Variants in BRI3BP observed in about 807,000 individuals in gnomAD.
The protein encoded by BRI3BP is BRI3 binding protein.
A neutral mutation model predicts 15.8 loss-of-function variants in BRI3BP; 7 were observed. The observed-to-expected ratio is 0.44, with a 90% CI of 0.25 to 0.83. The LOEUF (loss-of-function observed/expected upper bound fraction) is 0.83, where lower values mean the gene tolerates loss of function less well. Ranked by LOEUF, BRI3BP falls within the 40% of genes least tolerant of loss-of-function variation. BRI3BP has a pLI of 0.20. For synonymous variants in BRI3BP, 192 were observed against 163.5 expected (o/e 1.17, Z -1.33); for missense variants, 320 against 339.3 (o/e 0.94, Z 0.45).
chr12:125,016,249 G>T (rs566401825), intron 2 of BRI3BP, among the ~76,000 whole-genome samples: 1 of 152,036 alleles, frequency 6.6e-6, no homozygotes, highest in East Asian at 1.9e-4. Flanking sequence ...TGTCTTATGC[G>T]TAGAAGTTTG....
At chr12:125,021,715 CAAGAG>C (rs1327440305) in intron 2 of BRI3BP, among the ~76,000 whole-genome samples, 3 of 152,162 alleles carry the variant, frequency 2.0e-5, no homozygotes, top group African/African-American at 7.2e-5. Flanking sequence ...AGAGAGGAAG[CAAGAG>C]CGAGGGGTAA....
intron 1 of BRI3BP, among the ~76,000 whole-genome samples, chr12:125,005,316 A>G (rs1230093578): frequency 1.3e-5 from 2 of 152,134 alleles, no homozygotes; most frequent in Non-Finnish European, 2.9e-5. Flanking sequence ...TTTAATTTTA[A>G]TGCCCCCACC....
chr12:125,049,869 G>T, the BRI3BP span, among the ~76,000 whole-genome samples: 1 of 152,206 alleles, frequency 6.6e-6, no homozygotes. Context: ...TCGCGGGAAG[G>T]GAGGGGACTG....
intron 2 of BRI3BP, among the ~76,000 whole-genome samples, chr12:125,019,887 A>G (rs1429183028): frequency 7.1e-6 from 1 of 141,476 alleles, no homozygotes; most frequent in South Asian, 2.2e-4. Flanking sequence ...GTGTTAACCT[A>G]TTGTCTTGGT....
chr12:125,020,706 G>A (rs1430641954), intron 2 of BRI3BP, among the ~76,000 whole-genome samples: 1 of 152,114 alleles, frequency 6.6e-6, no homozygotes, highest in East Asian at 1.9e-4. Context: ...GCAACACAGT[G>A]AGACCCTGTA....
At chr12:125,045,346 T>A in the BRI3BP span, among the ~76,000 whole-genome samples, 1 of 152,152 alleles carries the variant, frequency 6.6e-6, no homozygotes, top group African/African-American at 2.4e-5. Flanking sequence ...GATGTTTTCT[T>A]CTTTTTTTTT....
chr12:124,999,004 G>A (rs532908874), intron 1 of BRI3BP, among the ~76,000 whole-genome samples: 2 of 152,228 alleles, frequency 1.3e-5, no homozygotes, highest in East Asian at 3.9e-4. Flanking sequence ...CTTGATCCTG[G>A]GAGGTTGAGA....
rs1026764419 is a variant in BRI3BP at position 125,000,449 on chromosome 12, G to A, written c.213+6446G>A. Among the ~76,000 whole-genome samples the A allele has an allele frequency of 2.0e-5, 3 of 151,054 alleles. No individual in the cohort carries two copies. The Admixed American group carries it at 2.0e-4, about 10-fold the overall frequency. ...CTGCCTCAGCCTCCCGAGTAGCTGGGACTACAGACGCCCACCACCACGCCC... is the reference window on the plus strand; with the variant it reads ...CTGCCTCAGCCTCCCGAGTAGCTGGAACTACAGACGCCCACCACCACGCCC... On this transcript the variant is annotated intron_variant, in intron 1 of 2. Coordinates refer to ENST00000341446, the MANE Select transcript of BRI3BP (RefSeq NM_080626.6).
At chr12:125,034,024 G>A (rs922806927), downstream of BRI3BP, among the ~76,000 whole-genome samples, 6 of 151,978 alleles carry the variant, frequency 3.9e-5, no homozygotes, top group East Asian at 1.9e-4. Context: ...GATTACAGGC[G>A]TGAGCCACCA....
chr12:125,044,881 A>G, the BRI3BP span, among the ~76,000 whole-genome samples: 2 of 152,176 alleles, frequency 1.3e-5, no homozygotes, highest in Non-Finnish European at 2.9e-5. Context: ...TCTGGGGATT[A>G]CAGGTGTGAG....
intron 1 of BRI3BP, among the ~76,000 whole-genome samples, chr12:125,005,162 T>C (rs75669068): frequency 6.6e-6 from 1 of 152,214 alleles, no homozygotes; most frequent in Non-Finnish European, 1.5e-5. Context: ...AGGGATTTTG[T>C]AGGATGCTCC....
the BRI3BP span, among the ~76,000 whole-genome samples, chr12:125,049,111 G>A: frequency 1.9e-4 from 29 of 152,000 alleles, no homozygotes; most frequent in Non-Finnish European, 4.0e-4. Flanking sequence ...ACAGGTGCCC[G>A]CCACCACGCC....
the BRI3BP span, among the ~76,000 whole-genome samples, chr12:125,037,296 G>A: frequency 6.6e-6 from 1 of 152,138 alleles, no homozygotes; most frequent in African/African-American, 2.4e-5. Context: ...GACCTCAGGT[G>A]ATCCACCTGC....
At chr12:125,033,374 G>A (rs1955420189), downstream of BRI3BP, among the ~76,000 whole-genome samples, 1 of 152,018 alleles carries the variant, frequency 6.6e-6, no homozygotes, top group East Asian at 1.9e-4. Context: ...CCTGGGCGAC[G>A]GAGTGAGACT....
intron 1 of BRI3BP, among the ~76,000 whole-genome samples, chr12:125,009,595 T>C (rs1197556578): frequency 1.4e-5 from 2 of 139,270 alleles, no homozygotes; most frequent in South Asian, 2.4e-4. Context: ...CAGCCTATAA[T>C]GTTTTCTTAA....
the BRI3BP span, among the ~76,000 whole-genome samples, chr12:125,046,101 G>T: frequency 1.3e-5 from 2 of 151,948 alleles, no homozygotes; most frequent in African/African-American, 4.8e-5. Flanking sequence ...GGAGGTGGAG[G>T]TTGCAGTGAG....
chr12:125,010,936 A>G (rs1162996587), intron 1 of BRI3BP, among the ~76,000 whole-genome samples: 1 of 151,874 alleles, frequency 6.6e-6, no homozygotes, highest in Admixed American at 6.6e-5. Flanking sequence ...TCTACTAAAA[A>G]TATGAAAATT....
the BRI3BP span, among the ~76,000 whole-genome samples, chr12:125,038,500 T>C: frequency 6.6e-6 from 1 of 151,906 alleles, no homozygotes; most frequent in Non-Finnish European, 1.5e-5. Flanking sequence ...GCGTGGTGGC[T>C]CATGCCTGTA....
the BRI3BP span, among the ~76,000 whole-genome samples, chr12:125,047,885 T>C: frequency 5.3e-5 from 8 of 150,326 alleles, no homozygotes; most frequent in Admixed American, 2.6e-4. Context: ...TTAGTAGAGA[T>C]GGGGTTTCAC....
Sources: gnomAD v4.1 joint callset for allele counts (sites outside exome capture counted in the v4.1 genomes callset) on GRCh38, gnomAD v4.1.1 for gene constraint, MANE v1.5 for transcripts, NCBI Gene and HGNC (gene_info 2026-07-23, HGNC 2026-07-21) for gene names.